The following LY6S variants were observed in gnomAD, a reference collection of about 807,000 sequenced individuals.
LY6S encodes the protein lymphocyte antigen 6 family member S.
At chr8:143,069,569 C>G in the LY6S span, among the ~76,000 whole-genome samples, 3 of 152,144 alleles carry the variant, frequency 2.0e-5, no homozygotes, top group African/African-American at 7.2e-5. Flanking sequence ...GATGCCAGCC[C>G]GTGCTCCAGG....
the LY6S span, among the ~76,000 whole-genome samples, chr8:143,076,078 G>A: frequency 3.3e-5 from 5 of 152,110 alleles, no homozygotes; most frequent in African/African-American, 7.2e-5. Context: ...TGAAAGTACC[G>A]GACTCTCTGG....
chr8:143,052,747 C>G, the LY6S span, among the ~76,000 whole-genome samples: 10 of 152,160 alleles, frequency 6.6e-5, no homozygotes, highest in Non-Finnish European at 1.5e-5. Context: ...ATTGAAAGGA[C>G]CAGTCACACT....
At chr8:143,041,583 A>G in the LY6S span, among the ~76,000 whole-genome samples, 1 of 152,238 alleles carries the variant, frequency 6.6e-6, no homozygotes, top group South Asian at 2.1e-4. Flanking sequence ...TACGAAGATG[A>G]TGGGATTAAA....
the LY6S span, among the ~76,000 whole-genome samples, chr8:143,068,663 T>G: frequency 6.6e-6 from 1 of 152,210 alleles, no homozygotes; most frequent in Non-Finnish European, 1.5e-5. Context: ...AAAATTTTCT[T>G]GTCTCAGTTC....
chr8:143,043,701 G>A, the LY6S span, among the ~76,000 whole-genome samples: 1 of 151,954 alleles, frequency 6.6e-6, no homozygotes, highest in African/African-American at 2.4e-5. Flanking sequence ...TTGAGATGGA[G>A]TTTTGCTCTT....
the LY6S span, among the ~76,000 whole-genome samples, chr8:143,043,821 ATGC>A: frequency 7.2e-5 from 11 of 152,180 alleles, no homozygotes. Context: ...GATTACAGGC[ATGC>A]CCCACCAGGC....
chr8:143,071,904 G>T, the LY6S span, among the ~76,000 whole-genome samples: 3 of 152,168 alleles, frequency 2.0e-5, no homozygotes, highest in Non-Finnish European at 2.9e-5. Context: ...AGAAGAGGGT[G>T]TGCTGGGTTC....
At chr8:143,073,605 T>G in the LY6S span, among the ~76,000 whole-genome samples, 56 of 56,008 alleles carry the variant, frequency 1.0e-3, no homozygotes, top group Admixed American at 2.5e-3. Context: ...ATCATCCTCA[T>G]GGTCCCTGTT....
chr8:143,049,408 C>T, the LY6S span: 59 of 407,804 alleles, frequency 1.4e-4, no homozygotes, highest in Middle Eastern at 4.4e-3. Flanking sequence ...ATCGCCATCC[C>T]GCAGCTCCGT....
chr8:143,062,898 G>GAGAAGAA, the LY6S span, among the ~76,000 whole-genome samples: 1 of 152,178 alleles, frequency 6.6e-6, no homozygotes, highest in Non-Finnish European at 1.5e-5. Flanking sequence ...AATAGCCAGG[G>GAGAAGAA]CAACCTTGGA....
At chr8:143,044,032 G>T in the LY6S span, 3 of 424,302 alleles carry the variant, frequency 7.1e-6, no homozygotes, top group African/African-American at 2.1e-5. Flanking sequence ...GACAGATGCA[G>T]CTCCGAGAGC....
At chr8:143,056,239 C>A in the LY6S span, among the ~76,000 whole-genome samples, 1 of 147,436 alleles carries the variant, frequency 6.8e-6, no homozygotes, top group Non-Finnish European at 1.5e-5. Context: ...TCCTAAAACA[C>A]ATTTATCAAC....
chr8:143,075,771 T>C, the LY6S span, among the ~76,000 whole-genome samples: 2 of 152,212 alleles, frequency 1.3e-5, no homozygotes, highest in Admixed American at 1.3e-4. This position sits in a 1 kb window ranked among gnomAD's most constrained non-coding sequence, Gnocchi z 4.1. Context: ...TTTTCTCAGG[T>C]ACAGCTTTTA....
the LY6S span, chr8:143,053,925 G>A: frequency 6.6e-6 from 1 of 152,302 alleles, no homozygotes; most frequent in Admixed American, 6.5e-5. Context: ...AGGACGTCTG[G>A]TTTCTGCTGG....
the LY6S span, among the ~76,000 whole-genome samples, chr8:143,058,832 C>T: frequency 1.3e-5 from 2 of 152,232 alleles, no homozygotes; most frequent in African/African-American, 4.8e-5. Flanking sequence ...GACCAAGGAG[C>T]CCTCTGGTGG....
chr8:143,064,156 T>C, the LY6S span, among the ~76,000 whole-genome samples: 1 of 152,220 alleles, frequency 6.6e-6, no homozygotes, highest in African/African-American at 2.4e-5. Flanking sequence ...AAGGGGCCAT[T>C]GTTAGCTCCC....
the LY6S span, among the ~76,000 whole-genome samples, chr8:143,056,335 T>C: frequency 6.6e-6 from 1 of 151,460 alleles, no homozygotes; most frequent in South Asian, 2.1e-4. Context: ...GGACTTATGA[T>C]GTCAATTTCT....
At chr8:143,064,473 T>C in the LY6S span, among the ~76,000 whole-genome samples, 5 of 152,250 alleles carry the variant, frequency 3.3e-5, no homozygotes, top group African/African-American at 1.2e-4. Flanking sequence ...TAGATATTAG[T>C]AAATCATCCA....
At chr8:143,052,629 A>G in the LY6S span, among the ~76,000 whole-genome samples, 4 of 152,174 alleles carry the variant, frequency 2.6e-5, no homozygotes, top group Non-Finnish European at 4.4e-5. Context: ...TGGTCAAGGC[A>G]TGTTTTGGCC....
Sources: gnomAD v4.1 joint callset for allele counts (sites outside exome capture counted in the v4.1 genomes callset) on GRCh38, gnomAD v4.1.1 for gene constraint, Gnocchi (gnomAD v3.1) non-coding constraint, MANE v1.5 for transcripts, NCBI Gene and HGNC (gene_info 2026-07-23, HGNC 2026-07-21) for gene names.